PEAK1: variants seen among roughly 807,000 people sequenced by gnomAD.
PEAK1 encodes inactive tyrosine-protein kinase PEAK1.
PEAK1 carries 54 observed loss-of-function variants against 124.7 expected under a neutral mutation model. That is an observed-to-expected ratio of 0.43 (90% confidence interval 0.35 to 0.54). The LOEUF (loss-of-function observed/expected upper bound fraction) is 0.54. PEAK1 is among the 20% of genes least tolerant of loss of function. PEAK1 has a pLI of 0.01. For missense variants in PEAK1, 2,046 were observed against 2,134.5 expected, an observed-to-expected ratio of 0.96 and a Z score of 0.82; for synonymous variants, 719 against 760.0, an observed-to-expected ratio of 0.95 and a Z score of 0.89.
intron 8 of PEAK1, chr15:77,158,219 T>C (rs759891651): frequency 1.3e-4 from 45 of 341,702 alleles, no homozygotes; most frequent in Non-Finnish European, 2.2e-4. Context: ...GTATTTATAT[T>C]ACACTGAAAT....
intron 1 of PEAK1, among the ~76,000 whole-genome samples, chr15:77,376,030 A>AATAG (rs1409159350): frequency 6.7e-6 from 1 of 150,110 alleles, no homozygotes; most frequent in East Asian, 1.9e-4. Flanking sequence ...TAAATAAATA[A>AATAG]ATAAATAAAT....
chr15:77,411,268 T>C (rs2072389983), intron 1 of PEAK1, among the ~76,000 whole-genome samples: 1 of 151,986 alleles, frequency 6.6e-6, no homozygotes, highest in Non-Finnish European at 1.5e-5. Context: ...TAAATCCTAT[T>C]GATTGTGAAA....
At chr15:77,198,023 A>C (rs2058191041) in intron 6 of PEAK1, among the ~76,000 whole-genome samples, 1 of 152,194 alleles carries the variant, frequency 6.6e-6, no homozygotes, top group South Asian at 2.1e-4. Context: ...AGTATATACA[A>C]ATCTATTATA....
chr15:77,178,872 T>C lies in PEAK1; in HGVS notation c.3055A>G (p.Arg1019Gly). Residue 1019 changes from arginine to glycine, a missense_variant, in exon 7 of 10, where the codon AGA becomes GGA. Transcript: ENST00000682557. ...TCCTGTAGTAATGCATTCTCTGCTCTACCCTTCTCCATGACTGCTGCCTGG... is the reference window on the plus strand; with the variant it reads ...TCCTGTAGTAATGCATTCTCTGCTCCACCCTTCTCCATGACTGCTGCCTGG... ...TDQAAVMEKG[R>G]AENALLQDSE... The C allele has an allele frequency of 1.2e-6, 2 of 1,614,192 alleles. No individual in the cohort carries two copies. The highest frequency in any genetic ancestry group is 1.3e-5 in the African/African-American group (1 of 75,066).
chr15:77,404,293 T>G (rs1567359222), intron 1 of PEAK1: 1 of 985,322 alleles, frequency 1.0e-6, no homozygotes, highest in Non-Finnish European at 1.2e-6. Context: ...AAGTGATATT[T>G]TATTGCATCT....
At chr15:77,387,224 TTC>T (rs1443515700) in intron 1 of PEAK1, among the ~76,000 whole-genome samples, 1 of 152,222 alleles carries the variant, frequency 6.6e-6, no homozygotes, top group Non-Finnish European at 1.5e-5. Flanking sequence ...AGTTATTAAA[TTC>T]TCTCTTCCTG....
intron 2 of PEAK1, 111 bp from the exon 3 acceptor site, chr15:77,286,615 T>C (rs2062943414): frequency 4.2e-6 from 2 of 476,882 alleles, no homozygotes; most frequent in South Asian, 1.1e-4. Context: ...CTCTTACTTA[T>C]TCTATTTGAT....
At chr15:77,216,919 G>A (rs948562525) in intron 6 of PEAK1, among the ~76,000 whole-genome samples, 9 of 152,092 alleles carry the variant, frequency 5.9e-5, no homozygotes, top group Admixed American at 2.6e-4. Context: ...GATGAAACAC[G>A]GCTTTACCAG....
intron 2 of PEAK1, among the ~76,000 whole-genome samples, chr15:77,317,394 T>C (rs1464854995): frequency 6.6e-6 from 1 of 152,230 alleles, no homozygotes; most frequent in Non-Finnish European, 1.5e-5. Flanking sequence ...AATCTCATTA[T>C]ACCAGACACA....
chr15:77,342,473 T>G (rs558970665), intron 2 of PEAK1, among the ~76,000 whole-genome samples: 2 of 151,174 alleles, frequency 1.3e-5, no homozygotes, highest in Non-Finnish European at 3.0e-5. Context: ...GTGACATGAT[T>G]ACAGCTCACT....
chr15:77,266,814 A>G (rs2061760469), intron 5 of PEAK1, among the ~76,000 whole-genome samples: 1 of 152,180 alleles, frequency 6.6e-6, no homozygotes, highest in Admixed American at 6.5e-5. Flanking sequence ...ATACCAGGAA[A>G]GCCGAGATAA....
At chr15:77,217,222 C>CAAAAAAA (rs34034344) in intron 6 of PEAK1, among the ~76,000 whole-genome samples, 1 of 68,350 alleles carries the variant, frequency 1.5e-5, no homozygotes, top group Non-Finnish European at 2.6e-5. Flanking sequence ...GACTCTGTCT[C>CAAAAAAA]AAAAAAAAAA....
chr15:77,346,977 G>A (rs1179717802), intron 2 of PEAK1, among the ~76,000 whole-genome samples: 3 of 152,224 alleles, frequency 2.0e-5, no homozygotes, highest in Admixed American at 6.5e-5. Context: ...CCAATTTACA[G>A]TGAGTTGTCA....
At chr15:77,185,542 C>T (rs1283820026) in intron 6 of PEAK1, among the ~76,000 whole-genome samples, 3 of 152,218 alleles carry the variant, frequency 2.0e-5, no homozygotes, top group African/African-American at 4.8e-5. Context: ...GACTTACATA[C>T]ATGCCCATTG....
intron 8 of PEAK1, among the ~76,000 whole-genome samples, chr15:77,137,082 G>T (rs764902811): frequency 6.6e-6 from 1 of 152,230 alleles, no homozygotes; most frequent in South Asian, 2.1e-4. Flanking sequence ...TCCATGTGGC[G>T]TTGAGCCTGT....
intron 1 of PEAK1, among the ~76,000 whole-genome samples, chr15:77,410,633 A>G (rs2072330830): frequency 2.0e-5 from 3 of 152,334 alleles, no homozygotes; most frequent in Admixed American, 2.0e-4. Flanking sequence ...CATTCAACAA[A>G]TATTTGAATA....
chr15:77,201,256 G>C (rs1370522852), intron 6 of PEAK1, among the ~76,000 whole-genome samples: 1 of 34,782 alleles, frequency 2.9e-5, no homozygotes, highest in African/African-American at 1.6e-4. Flanking sequence ...TTTTTTTTTT[G>C]AGATGGAGTC....
At chr15:77,236,784 T>G (rs1173873639) in intron 6 of PEAK1, among the ~76,000 whole-genome samples, 3 of 152,114 alleles carry the variant, frequency 2.0e-5, no homozygotes, top group African/African-American at 7.2e-5. Flanking sequence ...AGGGACCTGG[T>G]GGGAAGTGAT....
At position 77,108,640 on chromosome 15, in the gene PEAK1, C is replaced by G. The variant is rs144734616; in HGVS notation, c.*5516G>C. 2 of 152,318 alleles carry G rather than the reference C, an allele frequency of 1.3e-5. No individual in the cohort carries two copies. The highest frequency in any genetic ancestry group is 4.8e-5 in the African/African-American group (2 of 41,570). The allele number at this position is 152,318 out of a possible 1,614,324, so 9.4% of individuals were successfully genotyped here. On this transcript the variant is annotated 3_prime_UTR_variant, in exon 10 of 10. Transcript: ENST00000682557. Reference sequence around the variant, plus strand: ...ATGTCTGGTTCAACATTCAAGTTATCATGAGTGCGGACACACACATACTAT... The same window carrying G: ...ATGTCTGGTTCAACATTCAAGTTATGATGAGTGCGGACACACACATACTAT...
Sources: allele counts gnomAD v4.1 joint callset (sites outside exome capture counted in the v4.1 genomes callset), GRCh38; gene constraint gnomAD v4.1.1; transcripts MANE v1.5; gene names NCBI Gene and HGNC (gene_info 2026-07-23, HGNC 2026-07-21).